Variants in KCNH8 observed in about 807,000 individuals in gnomAD.
KCNH8 encodes the protein potassium voltage-gated channel subfamily H member 8.
Under a neutral mutation model 103.6 loss-of-function variants are expected in KCNH8, and 70 were observed. The observed-to-expected ratio is 0.68, with a 90% CI of 0.56 to 0.82. The LOEUF (loss-of-function observed/expected upper bound fraction) is 0.82. Among genes scored for constraint, KCNH8 ranks in the 40% least tolerant of loss-of-function variants. KCNH8 has a pLI of 0.00. For synonymous variants in KCNH8, 498 were observed against 489.4 expected (o/e 1.02, Z -0.23); for missense variants, 1,217 against 1,329.9 (o/e 0.92, Z 1.32).
Position 19,258,947 on chromosome 3 carries a change from C to CTATATATATATATATATATA in KCNH8, c.310+5076_310+5095dup, listed in dbSNP as rs71055060. ...TCTCTCTCTCTCTCTCTCTCTCTCT[C>CTATATATATATATATATATA]TATATATATATATATATATATATAT... On this transcript the variant is annotated intron_variant, in intron 2 of 15. Coordinates refer to ENST00000328405, the MANE Select transcript of KCNH8 (RefSeq NM_144633.3). Among the ~76,000 whole-genome samples, 8 of 24,798 alleles carry CTATATATATATATATATATA rather than the reference C, an allele frequency of 3.2e-4. 1 individual carries two copies. Among genetic ancestry groups the CTATATATATATATATATATA allele is most frequent in the Non-Finnish European group, 5.6e-4 (7 of 12,472 alleles). The allele number at this position is 24,798 out of a possible 152,430, so 16.3% of individuals were successfully genotyped here.
chr3:19,500,655 C>G (rs2068559670), intron 11 of KCNH8, among the ~76,000 whole-genome samples: 1 of 152,172 alleles, frequency 6.6e-6, no homozygotes, highest in Admixed American at 6.6e-5. Flanking sequence ...CTACATGGAA[C>G]TGAACAACCT....
At chr3:19,176,914 C>T (rs746552167) in intron 1 of KCNH8, among the ~76,000 whole-genome samples, 45 of 152,018 alleles carry the variant, frequency 3.0e-4, no homozygotes, top group Non-Finnish European at 5.4e-4. Flanking sequence ...CAATACATAA[C>T]CTTGTTTTAT....
intron 11 of KCNH8, among the ~76,000 whole-genome samples, chr3:19,501,344 G>C (rs906432793): frequency 3.9e-5 from 6 of 152,114 alleles, no homozygotes; most frequent in Non-Finnish European, 7.4e-5. Flanking sequence ...TTCTACCAGA[G>C]GTGCAAGGAG....
intron 3 of KCNH8, among the ~76,000 whole-genome samples, chr3:19,284,380 A>G (rs966705088): frequency 1.3e-5 from 2 of 152,146 alleles, no homozygotes; most frequent in African/African-American, 4.8e-5. Context: ...AACCTGTTTT[A>G]TAGAAGTGGC....
intron 3 of KCNH8, among the ~76,000 whole-genome samples, chr3:19,311,291 G>A (rs1048027470): frequency 6.6e-6 from 1 of 151,490 alleles, no homozygotes; most frequent in Non-Finnish European, 1.5e-5. Flanking sequence ...CCTTGAAATA[G>A]GTATTCTTAT....
chr3:19,199,697 G>A (rs2063637827), intron 1 of KCNH8, among the ~76,000 whole-genome samples: 1 of 151,154 alleles, frequency 6.6e-6, no homozygotes, highest in African/African-American at 2.4e-5. Flanking sequence ...CTAATTATAA[G>A]GGACTAGCTC....
chr3:19,492,708 A>AT (rs2068349400), intron 11 of KCNH8, among the ~76,000 whole-genome samples: 1 of 151,868 alleles, frequency 6.6e-6, no homozygotes, highest in African/African-American at 2.4e-5. Context: ...GTTTCTTCTC[A>AT]TTTTTTGAAG....
chr3:19,485,806 T>G (rs2068194461), intron 11 of KCNH8, among the ~76,000 whole-genome samples: 1 of 152,214 alleles, frequency 6.6e-6, no homozygotes, highest in Non-Finnish European at 1.5e-5. Context: ...TCCCCTGTAG[T>G]GCATGACTGC....
intron 2 of KCNH8, among the ~76,000 whole-genome samples, chr3:19,278,300 C>A (rs1392414388): frequency 6.6e-6 from 1 of 151,402 alleles, no homozygotes; most frequent in Admixed American, 6.6e-5. Flanking sequence ...GCTTTGTGTT[C>A]TTCTAAAATT....
chr3:19,170,316 A>G (rs770658171), intron 1 of KCNH8, among the ~76,000 whole-genome samples: 1 of 152,156 alleles, frequency 6.6e-6, no homozygotes, highest in South Asian at 2.1e-4. Flanking sequence ...ACACTTGCAC[A>G]TGTATCCACA....
intron 1 of KCNH8, among the ~76,000 whole-genome samples, chr3:19,162,284 G>A (rs1354764994): frequency 6.6e-6 from 1 of 151,724 alleles, no homozygotes; most frequent in Admixed American, 6.6e-5. Flanking sequence ...TACCGAGGCA[G>A]GTGGATCACT....
At chr3:19,430,249 T>C (rs563907416) in intron 7 of KCNH8, among the ~76,000 whole-genome samples, 2 of 152,308 alleles carry the variant, frequency 1.3e-5, no homozygotes, top group East Asian at 3.9e-4. Flanking sequence ...CTTGTTTTTG[T>C]CTTGTTTGTC....
intron 11 of KCNH8, among the ~76,000 whole-genome samples, chr3:19,470,700 G>C (rs771005183): frequency 1.3e-5 from 2 of 152,134 alleles, no homozygotes; most frequent in Non-Finnish European, 2.9e-5. Flanking sequence ...CGAGAAAGAG[G>C]GTGGGTAGGC....
chr3:19,369,006 T>C, intron 5 of KCNH8, among the ~76,000 whole-genome samples: 1 of 150,972 alleles, frequency 6.6e-6, no homozygotes, highest in Non-Finnish European at 1.5e-5. Context: ...TTTCCTACTA[T>C]AGTATAATTA....
At chr3:19,170,709 TATATACACAC>T (rs1211232540) in intron 1 of KCNH8, among the ~76,000 whole-genome samples, 1 of 135,860 alleles carries the variant, frequency 7.4e-6, no homozygotes, top group Admixed American at 7.2e-5. Flanking sequence ...TATATACACA[TATATACACAC>T]ACATATATAC....
intron 2 of KCNH8, among the ~76,000 whole-genome samples, chr3:19,255,704 C>A (rs1575472837): frequency 6.6e-6 from 1 of 151,250 alleles, no homozygotes; most frequent in East Asian, 1.9e-4. Flanking sequence ...GAAATAGAAA[C>A]AATAATAGCT....
chr3:19,515,405 C>G lies in KCNH8; in HGVS notation c.2519C>G (p.Pro840Arg), dbSNP rs2068857360. 1 of 1,547,294 alleles carries G rather than the reference C, an allele frequency of 6.5e-7. No individual in the cohort carries two copies. ...DFGSERIRSE[P>R]RISPPLGDPE... is the part of the protein sequence containing the mutation. ...GGCTCTGAACGAATCAGATCAGAGC[C>G]CAGAATTTCTCCTCCTCTTGGAGGT... The change falls in exon 14 of 16, where the codon CCC becomes CGC. Residue 840 changes from proline (P) to arginine (R), a missense_variant. Transcript: ENST00000328405.
Position 19,322,329 on chromosome 3 carries a change from G to A in KCNH8, c.443-20258G>A, listed in dbSNP as rs549311533. On this transcript the variant is annotated intron_variant, in intron 3 of 15. Coordinates refer to ENST00000328405, the MANE Select transcript of KCNH8 (RefSeq NM_144633.3). ...ATAATCTATTTTGGTGTATTTCGAG[G>A]ATTTGTTTCGAAATTTAAAGCTCCT... Among the ~76,000 whole-genome samples, 7 of 152,170 alleles carry A rather than the reference G, an allele frequency of 4.6e-5. No homozygotes were observed. In the South Asian group the frequency reaches 1.5e-3, roughly 32 times the overall value.
chr3:19,283,039 G>C (rs953455255), intron 3 of KCNH8, among the ~76,000 whole-genome samples: 2 of 152,130 alleles, frequency 1.3e-5, no homozygotes, highest in African/African-American at 4.8e-5. Flanking sequence ...CAGAACAGTT[G>C]CTCCCTAAAG....
Sources: allele counts gnomAD v4.1 joint callset (sites outside exome capture counted in the v4.1 genomes callset), GRCh38; gene constraint gnomAD v4.1.1; transcripts MANE v1.5; gene names NCBI Gene and HGNC (gene_info 2026-07-23, HGNC 2026-07-21).